Variants in KALRN observed in about 807,000 individuals in gnomAD.
KALRN encodes the protein kalirin RhoGEF kinase.
Under a neutral mutation model 353.7 loss-of-function variants are expected in KALRN, and 70 were observed. That is an observed-to-expected ratio of 0.20 (90% CI 0.16 to 0.24). KALRN has a LOEUF of 0.24. Among genes scored for constraint, KALRN ranks in the 10% least tolerant of loss-of-function variants. KALRN has a pLI of 1.00. For missense variants in KALRN, 2,791 were observed against 3,756.7 expected (o/e 0.74, Z 6.72); for synonymous variants, 1,391 against 1,434.8 (o/e 0.97, Z 0.69).
intron 37 of KALRN, among the ~76,000 whole-genome samples, chr3:124,638,348 AC>A (rs1321164130): frequency 2.0e-5 from 3 of 149,150 alleles, no homozygotes; most frequent in Non-Finnish European, 3.0e-5. Flanking sequence ...AAAAAAAAAA[AC>A]AAAAACCTGC....
At chr3:124,643,814 A>G (rs1367331226) in intron 37 of KALRN, among the ~76,000 whole-genome samples, 11 of 152,206 alleles carry the variant, frequency 7.2e-5, no homozygotes, top group Admixed American at 6.5e-4. Context: ...TGAGGTTTAC[A>G]ACATGATGTT....
intron 8 of KALRN, among the ~76,000 whole-genome samples, chr3:124,333,162 A>C (rs910677381): frequency 1.3e-5 from 2 of 152,166 alleles, no homozygotes; most frequent in African/African-American, 4.8e-5. Context: ...ACAGCACTGG[A>C]AAAACCCACC....
At chr3:124,044,687 A>G (rs2149099751) in intron 1 of KALRN, among the ~76,000 whole-genome samples, 1 of 152,278 alleles carries the variant, frequency 6.6e-6, no homozygotes, top group African/African-American at 2.4e-5. Flanking sequence ...TGTGAATAGT[A>G]ATGTAAATAG....
chr3:124,078,232 C>T (rs546364181), intron 1 of KALRN, among the ~76,000 whole-genome samples: 1 of 152,288 alleles, frequency 6.6e-6, no homozygotes, highest in South Asian at 2.1e-4. Flanking sequence ...CTTCCTTACT[C>T]AACTGTATGT....
chr3:124,470,379 G>T (rs1456125579), intron 25 of KALRN, among the ~76,000 whole-genome samples: 1 of 152,188 alleles, frequency 6.6e-6, no homozygotes, highest in Non-Finnish European at 1.5e-5. Context: ...ATATGGATCA[G>T]ACTTACATAA....
chr3:124,458,648 T>G (rs1195544750), intron 23 of KALRN, among the ~76,000 whole-genome samples: 1 of 152,152 alleles, frequency 6.6e-6, no homozygotes, highest in African/African-American at 2.4e-5. Context: ...GAAAAGCTTA[T>G]AGTCAGGCAG....
intron 1 of KALRN, among the ~76,000 whole-genome samples, chr3:124,144,932 GA>G (rs1208131423): frequency 1.3e-5 from 2 of 152,162 alleles, no homozygotes; most frequent in Non-Finnish European, 2.9e-5. Context: ...TGTAGAAGTT[GA>G]GGCCAGTGGT....
At chr3:124,138,217 G>C (rs1187200045) in intron 1 of KALRN, among the ~76,000 whole-genome samples, 1 of 152,132 alleles carries the variant, frequency 6.6e-6, no homozygotes, top group Non-Finnish European at 1.5e-5. Flanking sequence ...CAGCTAATCA[G>C]AACTGCAAAA....
At chr3:124,346,364 A>G (rs1051842419) in intron 9 of KALRN, among the ~76,000 whole-genome samples, 4 of 151,964 alleles carry the variant, frequency 2.6e-5, no homozygotes, top group East Asian at 1.9e-4. Context: ...TCACCCCTCT[A>G]TTGCCCAGGG....
chr3:124,658,561 C>T (rs888084967), intron 42 of KALRN, 44 bp downstream of exon 42: 1 of 1,427,080 alleles, frequency 7.0e-7, no homozygotes, highest in Non-Finnish European at 9.9e-7. Context: ...GAGGAAAACT[C>T]AGGCCAAAAC....
chr3:124,139,015 G>A (rs952641265), intron 1 of KALRN, among the ~76,000 whole-genome samples: 2 of 152,214 alleles, frequency 1.3e-5, no homozygotes, highest in Non-Finnish European at 2.9e-5. Flanking sequence ...TGGTGCAAGA[G>A]TGGGGACCGG....
chr3:124,106,980 T>G (rs1436392120), intron 1 of KALRN, among the ~76,000 whole-genome samples: 1 of 152,200 alleles, frequency 6.6e-6, no homozygotes, highest in South Asian at 2.1e-4. Flanking sequence ...TTCCTTGTTA[T>G]CACTATGAAA....
chr3:124,054,564 A>T (rs559340803), intron 1 of KALRN, among the ~76,000 whole-genome samples: 4 of 152,146 alleles, frequency 2.6e-5, no homozygotes, highest in African/African-American at 9.6e-5. Context: ...GCCTTTCCCT[A>T]ACAGGTAGCC....
chr3:124,286,756 T>A (rs1355211739), intron 5 of KALRN, among the ~76,000 whole-genome samples: 1 of 152,200 alleles, frequency 6.6e-6, no homozygotes, highest in African/African-American at 2.4e-5. Flanking sequence ...TTCCCCCCAT[T>A]TTTTTAAGAT....
At chr3:124,355,709 CTTTTTTTTTTT>C (rs3055894) in intron 10 of KALRN, among the ~76,000 whole-genome samples, 1 of 97,446 alleles carries the variant, frequency 1.0e-5, no homozygotes. Flanking sequence ...TCTCTCCCAT[CTTTTTTTTTTT>C]TTTTTTTTTT....
At chr3:124,091,994 G>A (rs2061145974) in intron 1 of KALRN, among the ~76,000 whole-genome samples, 3 of 152,156 alleles carry the variant, frequency 2.0e-5, no homozygotes, top group South Asian at 4.2e-4. Flanking sequence ...GAGCAGTGGT[G>A]GGCTGGGGAG....
At chr3:124,222,329 T>A (rs2078007498) in intron 1 of KALRN, among the ~76,000 whole-genome samples, 1 of 152,222 alleles carries the variant, frequency 6.6e-6, no homozygotes, top group South Asian at 2.1e-4. Context: ...AGATAGCTTT[T>A]TTATTCCAAA....
intron 48 of KALRN, 113 bp downstream of exon 48, chr3:124,672,011 C>A: frequency 1.2e-6 from 1 of 811,158 alleles, no homozygotes; most frequent in Non-Finnish European, 2.1e-6. Context: ...TGCAATGGCA[C>A]CATCTCAGCT....
chr3:124,690,717 A>G (rs1277111202), intron 51 of KALRN, among the ~76,000 whole-genome samples: 1 of 152,184 alleles, frequency 6.6e-6, no homozygotes, highest in Non-Finnish European at 1.5e-5. Flanking sequence ...GATACATAAC[A>G]TTTGCTCTGC....
Sources: allele counts gnomAD v4.1 joint callset (sites outside exome capture counted in the v4.1 genomes callset), GRCh38; gene constraint gnomAD v4.1.1; transcripts MANE v1.5; gene names NCBI Gene and HGNC (gene_info 2026-07-23, HGNC 2026-07-21).